BICRAL: variants seen among roughly 807,000 people sequenced by gnomAD.
BICRAL encodes the protein BICRA like chromatin remodeling complex associated protein.
In BICRAL, 8 loss-of-function variants were observed where a neutral mutation model predicts 91.8. The ratio of observed to expected loss-of-function variants is 0.09; its 90% CI spans 0.05 to 0.16. The LOEUF (loss-of-function observed/expected upper bound fraction) is 0.16, where lower values mean the gene tolerates loss of function less well. Among genes scored for constraint, BICRAL ranks in the 10% least tolerant of loss-of-function variants. The probability of loss-of-function intolerance (pLI) is 1.00; values close to 1 mark genes in which losing one functional copy is unlikely to be tolerated. For missense variants in BICRAL, 1,038 were observed against 1,310.9 expected, an observed-to-expected ratio of 0.79 and a Z score of 3.21; for synonymous variants, 445 against 491.1, an observed-to-expected ratio of 0.91 and a Z score of 1.24.
intron 1 of BICRAL, among the ~76,000 whole-genome samples, chr6:42,752,271 C>T (rs1762392203): frequency 1.3e-5 from 2 of 152,140 alleles, no homozygotes; most frequent in East Asian, 1.9e-4. Context: ...GTACACTTAA[C>T]GTCTAGCACA....
intron 1 of BICRAL, among the ~76,000 whole-genome samples, chr6:42,754,519 A>G (rs1258074633): frequency 6.6e-6 from 1 of 152,174 alleles, no homozygotes; most frequent in Non-Finnish European, 1.5e-5. Flanking sequence ...CATAATTGAA[A>G]CAGATGTTTT....
intron 1 of BICRAL, among the ~76,000 whole-genome samples, chr6:42,794,756 C>G (rs9381222): frequency 0.091 from 13,329 of 146,094 alleles, 1,084 homozygotes; most frequent in African/African-American, 0.21. Context: ...CGAGACCAGC[C>G]TGGCCAACAT....
chr6:42,859,620 A>G (rs1765490685), intron 10 of BICRAL, among the ~76,000 whole-genome samples: 1 of 152,054 alleles, frequency 6.6e-6, no homozygotes, highest in Non-Finnish European at 1.5e-5. Context: ...CTAAACTAGC[A>G]GATCATTCTC....
At chr6:42,764,621 GAGAT>G (rs1281593391) in intron 1 of BICRAL, among the ~76,000 whole-genome samples, 3 of 152,036 alleles carry the variant, frequency 2.0e-5, no homozygotes, top group Admixed American at 6.6e-5. Flanking sequence ...CACGACTTGA[GAGAT>G]AGGTTGTATT....
At chr6:42,774,830 GT>G (rs34443955) in intron 1 of BICRAL, among the ~76,000 whole-genome samples, 67,470 of 149,476 alleles carry the variant, frequency 0.45, 16,616 homozygotes, top group African/African-American at 0.67. Flanking sequence ...CACTCCCGTA[GT>G]TTTTTTTTTT....
intron 1 of BICRAL, among the ~76,000 whole-genome samples, chr6:42,767,053 A>G (rs983558911): frequency 2.5e-4 from 38 of 151,714 alleles, no homozygotes; most frequent in Non-Finnish European, 3.4e-4. Context: ...AAAAAAAAAA[A>G]AAGAAGAAGA....
intron 1 of BICRAL, among the ~76,000 whole-genome samples, chr6:42,773,142 G>A (rs1403588531): frequency 2.7e-5 from 4 of 150,360 alleles, no homozygotes; most frequent in South Asian, 2.1e-4. Flanking sequence ...GCAATGGCAC[G>A]ATCTCGGCTC....
intron 6 of BICRAL, among the ~76,000 whole-genome samples, chr6:42,834,866 C>T (rs993994614): frequency 1.3e-5 from 2 of 152,136 alleles, no homozygotes; most frequent in African/African-American, 4.8e-5. Context: ...TTTAAGAAGG[C>T]TTGTTCCTTC....
chr6:42,841,320 C>T (rs1318051236), intron 6 of BICRAL, among the ~76,000 whole-genome samples: 1 of 150,906 alleles, frequency 6.6e-6, no homozygotes, highest in African/African-American at 2.4e-5. Flanking sequence ...TCCTGAGTAG[C>T]TGGGACTACA....
intron 6 of BICRAL, among the ~76,000 whole-genome samples, chr6:42,848,583 G>A (rs181034264): frequency 2.6e-5 from 4 of 152,300 alleles, no homozygotes; most frequent in Admixed American, 2.6e-4. Context: ...AGTGGCTCAC[G>A]CCTATAACCC....
intron 1 of BICRAL, among the ~76,000 whole-genome samples, chr6:42,796,784 C>A (rs1763422800): frequency 6.6e-6 from 1 of 152,058 alleles, no homozygotes; most frequent in Non-Finnish European, 1.5e-5. Context: ...GCAGTGCTCA[C>A]ACCTGTAATC....
chr6:42,752,945 G>T (rs1258501147), intron 1 of BICRAL, among the ~76,000 whole-genome samples: 7 of 144,892 alleles, frequency 4.8e-5, no homozygotes, highest in Non-Finnish European at 9.1e-5. Context: ...TGGTTGGGGG[G>T]GTACGGAGTT....
At chr6:42,788,285 C>T (rs1238303435) in intron 1 of BICRAL, among the ~76,000 whole-genome samples, 7 of 134,888 alleles carry the variant, frequency 5.2e-5, no homozygotes, top group African/African-American at 8.6e-5. Flanking sequence ...AGTGCAGTGG[C>T]GCAATCTCAG....
chr6:42,813,299 C>T (rs539503271), intron 2 of BICRAL, among the ~76,000 whole-genome samples: 1 of 151,984 alleles, frequency 6.6e-6, no homozygotes, highest in Admixed American at 6.6e-5. Context: ...AATCAGATTG[C>T]TTAAAACCAG....
chr6:42,784,117 A>G (rs1190829562), intron 1 of BICRAL, among the ~76,000 whole-genome samples: 1 of 152,228 alleles, frequency 6.6e-6, no homozygotes, highest in African/African-American at 2.4e-5. Context: ...GATGGGTTCC[A>G]GTTTTTTGAA....
intron 10 of BICRAL, among the ~76,000 whole-genome samples, chr6:42,857,612 A>ATATATATAT (rs1471429375): frequency 8.2e-5 from 8 of 96,996 alleles, no homozygotes; most frequent in African/African-American, 3.5e-4. Context: ...AAAAAAAAAA[A>ATATATATAT]AAATATATAT....
Position 42,772,856 on chromosome 6 carries a change from A to C in BICRAL, c.-260-8983A>C, listed in dbSNP as rs574474476. Among the ~76,000 whole-genome samples, 4 of 152,278 alleles carry C rather than the reference A, an allele frequency of 2.6e-5. No individual in the cohort carries two copies. In the South Asian group the frequency reaches 8.3e-4, roughly 32 times the overall value. ...GTATTCGAGGGAGATTTTGGAAGTG[A>C]GTTTTGTAGGGACCAAGGGAAAGCT... On this transcript the variant is annotated intron_variant, in intron 1 of 14. Coordinates refer to the BICRAL transcript ENST00000614467.
chr6:42,850,815 G>A (rs1211321563), intron 6 of BICRAL, among the ~76,000 whole-genome samples: 1 of 152,216 alleles, frequency 6.6e-6, no homozygotes, highest in Non-Finnish European at 1.5e-5. Context: ...GTTGCAGTGA[G>A]CCGAGATTGC....
intron 1 of BICRAL, among the ~76,000 whole-genome samples, chr6:42,767,768 G>A (rs1762655596): frequency 6.6e-6 from 1 of 152,196 alleles, no homozygotes; most frequent in Admixed American, 6.5e-5. Flanking sequence ...AAGGAGGAAG[G>A]AAGTTCTATG....
Sources: allele counts gnomAD v4.1 joint callset (sites outside exome capture counted in the v4.1 genomes callset), GRCh38; gene constraint gnomAD v4.1.1; transcripts MANE v1.5; gene names NCBI Gene and HGNC (gene_info 2026-07-23, HGNC 2026-07-21).